FHIT: variants seen among roughly 807,000 people sequenced by gnomAD.
The protein encoded by FHIT is fragile histidine triad diadenosine triphosphatase.
A neutral mutation model predicts 17.9 loss-of-function variants in FHIT; 19 were observed. The ratio of observed to expected loss-of-function variants is 1.06; its 90% CI spans 0.74 to 1.56. The LOEUF (loss-of-function observed/expected upper bound fraction) is 1.56, where lower values mean the gene tolerates loss of function less well. Ranked by LOEUF, FHIT falls within the 40% of genes most tolerant of loss-of-function variation. The pLI is 0.00. For missense variants in FHIT, 248 were observed against 189.2 expected, an observed-to-expected ratio of 1.31 and a Z score of -1.82; for synonymous variants, 81 against 69.7, an observed-to-expected ratio of 1.16 and a Z score of -0.81.
intron 1 of FHIT, among the ~76,000 whole-genome samples, chr3:61,212,785 C>T (rs1240403419): frequency 6.6e-6 from 1 of 152,238 alleles, no homozygotes; most frequent in African/African-American, 2.4e-5. Flanking sequence ...GGAAGCCTAT[C>T]AGACTAACAG....
At chr3:59,889,339 C>G (rs1703753169) in intron 8 of FHIT, among the ~76,000 whole-genome samples, 2 of 152,190 alleles carry the variant, frequency 1.3e-5, no homozygotes, top group Non-Finnish European at 2.9e-5. Flanking sequence ...TAGGGGCCAC[C>G]TCTCCCAAAT....
intron 5 of FHIT, among the ~76,000 whole-genome samples, chr3:60,487,950 C>T (rs1400018153): frequency 6.6e-6 from 1 of 152,104 alleles, no homozygotes; most frequent in East Asian, 1.9e-4. Flanking sequence ...CTTCTAAGTA[C>T]CTGTTATAAA....
At chr3:59,965,565 C>T (rs1473649922) in intron 7 of FHIT, among the ~76,000 whole-genome samples, 1 of 152,056 alleles carries the variant, frequency 6.6e-6, no homozygotes, top group Non-Finnish European at 1.5e-5. Context: ...CTTAACAAAT[C>T]CATGAGTGAT....
intron 4 of FHIT, among the ~76,000 whole-genome samples, chr3:60,590,730 C>T (rs1553663925): frequency 1.3e-5 from 2 of 152,146 alleles, no homozygotes; most frequent in African/African-American, 4.8e-5. Context: ...ATTTACTCCA[C>T]ACTCACATGT....
chr3:60,341,393 A>G (rs977028414), intron 5 of FHIT, among the ~76,000 whole-genome samples: 1 of 152,250 alleles, frequency 6.6e-6, no homozygotes, highest in African/African-American at 2.4e-5. Flanking sequence ...CACTGCATTT[A>G]AAACCCATAG....
chr3:60,364,601 C>T (rs948633463), intron 5 of FHIT, among the ~76,000 whole-genome samples: 2 of 152,198 alleles, frequency 1.3e-5, no homozygotes, highest in African/African-American at 4.8e-5. Flanking sequence ...CATTGAGCAA[C>T]ACAGAAGGCT....
intron 3 of FHIT, among the ~76,000 whole-genome samples, chr3:60,936,433 T>C (rs1708193085): frequency 1.3e-5 from 2 of 152,230 alleles, no homozygotes; most frequent in African/African-American, 4.8e-5. Context: ...ATTTGAGATA[T>C]GCTATTCCTT....
chr3:60,470,058 T>TTCTTTCTCTCTCTCTC (rs1323971036), intron 5 of FHIT, among the ~76,000 whole-genome samples: 11 of 142,938 alleles, frequency 7.7e-5, no homozygotes, highest in African/African-American at 2.4e-4. Flanking sequence ...CTCTCTTTCT[T>TTCTTTCTCTCTCTCTC]TCTCTCTCTC....
At chr3:60,632,644 C>T (rs1233569326) in intron 4 of FHIT, among the ~76,000 whole-genome samples, 1 of 152,144 alleles carries the variant, frequency 6.6e-6, no homozygotes, top group African/African-American at 2.4e-5. Context: ...CTAGAACAAG[C>T]TAACGCCATA....
rs115810580 is a variant in FHIT, at chr3:60,702,059, C to T, written c.-18+119860G>A. ...TGTATATTTTATACAGACAGGGTTT[C>T]GCCATGTTGCCCAGGCTGGTCTCTA... On this transcript the variant is annotated intron_variant, in intron 4 of 9. Transcript: ENST00000492590. Among the ~76,000 whole-genome samples the T allele has an allele frequency of 8.5e-3, 1,288 of 152,260 alleles. 19 individuals carry two copies. The highest frequency in any genetic ancestry group is 0.029 in the African/African-American group (1,216 of 41,540).
chr3:60,201,463 G>C (rs573102054), intron 5 of FHIT, among the ~76,000 whole-genome samples: 1 of 152,040 alleles, frequency 6.6e-6, no homozygotes, highest in Non-Finnish European at 1.5e-5. Flanking sequence ...TTAAAGTCCA[G>C]GGCCATTCAG....
At chr3:60,199,386 A>G (rs1468850016) in intron 5 of FHIT, among the ~76,000 whole-genome samples, 1 of 152,142 alleles carries the variant, frequency 6.6e-6, no homozygotes, top group Non-Finnish European at 1.5e-5. Flanking sequence ...TTCAAAATCC[A>G]TCAGTGACTC....
intron 5 of FHIT, among the ~76,000 whole-genome samples, chr3:60,227,013 T>A (rs1208779945): frequency 1.3e-5 from 2 of 152,150 alleles, no homozygotes; most frequent in Admixed American, 1.3e-4. Context: ...GCAGTTAGGA[T>A]GATGGGAAAA....
intron 5 of FHIT, among the ~76,000 whole-genome samples, chr3:60,247,384 G>A (rs1705455273): frequency 6.6e-6 from 1 of 151,654 alleles, no homozygotes; most frequent in Non-Finnish European, 1.5e-5. Context: ...GAAGAAAGAA[G>A]ATAGAAGACA....
At chr3:60,888,703 A>G (rs1705347384) in intron 3 of FHIT, among the ~76,000 whole-genome samples, 1 of 152,236 alleles carries the variant, frequency 6.6e-6, no homozygotes. Context: ...ATTACATTCA[A>G]TAGGCATAAT....
intron 4 of FHIT, among the ~76,000 whole-genome samples, chr3:60,672,874 C>CATGTGTGTGTGTGTGTGT (rs71092628): frequency 0.049 from 6,799 of 139,410 alleles, 302 homozygotes; most frequent in Non-Finnish European, 0.07. Context: ...CTCTTTGTAG[C>CATGTGTGTGTGTGTGTGT]GTGTGTGTGT....
At chr3:60,738,857 G>A (rs1002112645) in intron 4 of FHIT, among the ~76,000 whole-genome samples, 10 of 152,320 alleles carry the variant, frequency 6.6e-5, no homozygotes, top group African/African-American at 1.2e-4. Context: ...GCCCCTAAGT[G>A]GGGCATTTCT....
intron 5 of FHIT, among the ~76,000 whole-genome samples, chr3:60,032,942 G>C (rs1007333674): frequency 2.0e-5 from 3 of 151,958 alleles, no homozygotes; most frequent in Non-Finnish European, 4.4e-5. Flanking sequence ...ACACAAGATA[G>C]AGAAACAAGT....
At chr3:59,986,247 A>T (rs566799376) in intron 7 of FHIT, among the ~76,000 whole-genome samples, 4 of 151,974 alleles carry the variant, frequency 2.6e-5, no homozygotes, top group Admixed American at 1.3e-4. Flanking sequence ...CCTTAAGATA[A>T]CTGAGAAGCT....
Sources: allele counts gnomAD v4.1 joint callset (sites outside exome capture counted in the v4.1 genomes callset), GRCh38; gene constraint gnomAD v4.1.1; transcripts MANE v1.5; gene names NCBI Gene and HGNC (gene_info 2026-07-23, HGNC 2026-07-21).